Variants in TCOF1 observed in about 807,000 individuals in gnomAD.
TCOF1 encodes treacle ribosome biogenesis factor 1.
In TCOF1, 33 loss-of-function variants were observed where a neutral mutation model predicts 149.0. The observed-to-expected ratio is 0.22, with a 90% CI of 0.17 to 0.30. The LOEUF is 0.30. Among genes scored for constraint, TCOF1 ranks in the 10% least tolerant of loss-of-function variants. The pLI is 1.00. For synonymous variants in TCOF1, 789 were observed against 738.8 expected, an observed-to-expected ratio of 1.07 and a Z score of -1.10; for missense variants, 1,728 against 1,840.7, an observed-to-expected ratio of 0.94 and a Z score of 1.12.
rs140334121 is a variant in TCOF1, at chr5:150,376,276, T to G, written c.2088T>G (p.Ser696Arg). The change falls in exon 13 of 27, where the codon AGT becomes AGG. Residue 696 changes from serine to arginine, a missense_variant. This residue lies in a region of TCOF1 where 1,696 missense variants were observed against 1,765.4 expected (regional missense o/e 0.96). Transcript: ENST00000643257. ...GACCAGCAGAGGATTCTTCAAGCAG[T>G]GAGGAATCAGATAGTGAGGAAGAGA... ...TQRPAEDSSS[S>R]EESDSEEEKT... The G allele has an allele frequency of 2.6e-4, 420 of 1,613,988 alleles. 3 individuals carry two copies. In the African/African-American group the frequency reaches 5.1e-3, roughly 20 times the overall value.
intron 6 of TCOF1, 59 bp from the exon 7 acceptor site, chr5:150,371,947 G>A (rs1762620485): frequency 6.7e-7 from 1 of 1,498,684 alleles, no homozygotes; most frequent in Non-Finnish European, 9.2e-7. Context: ...CCCTAATACA[G>A]AACCTTAGGG....
intron 18 of TCOF1, 57 bp downstream of exon 18, chr5:150,388,145 G>T: frequency 6.2e-7 from 1 of 1,606,970 alleles, no homozygotes. Context: ...CCCACATTGA[G>T]GCCCAGAAGG....
At position 150,391,988 on chromosome 5, in the gene TCOF1, C is replaced by T; in HGVS notation, c.3329C>T (p.Thr1110Ile). 6.2e-7 allele frequency: 1 copy of T among 1,614,210 alleles called. No individual in the cohort carries two copies. Among genetic ancestry groups the T allele is most frequent in the Non-Finnish European group, 8.5e-7 (1 of 1,180,034 alleles). The change falls in exon 21 of 27, where the codon ACA (threonine) becomes ATA (isoleucine). Residue 1110 changes from threonine (T) to isoleucine (I), a missense_variant. Coordinates refer to ENST00000643257, the MANE Select transcript of TCOF1 (RefSeq NM_001371623.1). ...AGTGCTGTGGGAACACTCCCTGCAA[C>T]AAGTCCCCAGAGCACCTCCGTCCAG... ...VDSAVGTLPA[T>I]SPQSTSVQAK...
intron 1 of TCOF1, among the ~76,000 whole-genome samples, chr5:150,358,204 C>A (rs1378697447): frequency 6.6e-6 from 1 of 152,062 alleles, no homozygotes; most frequent in South Asian, 2.1e-4. Flanking sequence ...GCGCGGCCCC[C>A]CCTGGGGCAA....
chr5:150,392,082 G>A lies in TCOF1; in HGVS notation c.3423G>A (p.Glu1141=), dbSNP rs376912952. The A allele has an allele frequency of 1.9e-6, 3 of 1,614,106 alleles. No homozygotes were observed. In the African/African-American group the frequency reaches 4.0e-5, roughly 22 times the overall value. Residue 1141 remains glutamate, a synonymous_variant, in exon 21 of 27, where the codon GAG becomes GAA. Coordinates refer to ENST00000643257, the MANE Select transcript of TCOF1 (RefSeq NM_001371623.1). Reference sequence around the variant, plus strand: ...TCCAGCAGGCCACCAAAGCCCCTGAGAGCTCAGATGACAGTGAGGACAGCA... The same window carrying A: ...TCCAGCAGGCCACCAAAGCCCCTGAAAGCTCAGATGACAGTGAGGACAGCA... The part of the protein sequence containing the change: ...PEVQQATKAP[E]SSDDSEDSSD...
chr5:150,368,093 T>C, intron 4 of TCOF1, 176 bp downstream of exon 4: 1 of 644,470 alleles, frequency 1.6e-6, no homozygotes, highest in South Asian at 1.9e-5. Flanking sequence ...GGCCTCAGTT[T>C]ACTTTTCTAT....
At position 150,361,145 on chromosome 5, in the gene TCOF1, C is replaced by T. The variant is rs2150398634; in HGVS notation, c.109-11C>T. ...GGGATTAATTGTGGCTTTCTCTTTACCTCTCTGCAGAAGTGTTTCCTGGCT... is the reference window on the plus strand; with the variant it reads ...GGGATTAATTGTGGCTTTCTCTTTATCTCTCTGCAGAAGTGTTTCCTGGCT... On this transcript the variant is annotated splice_polypyrimidine_tract_variant and intron_variant, in intron 1 of 26. Transcript: ENST00000643257. 5 of 1,614,108 alleles carry T rather than the reference C, an allele frequency of 3.1e-6. No individual in the cohort carries two copies. The highest frequency in any genetic ancestry group is 4.2e-6 in the Non-Finnish European group (5 of 1,180,000).
chr5:150,370,257 A>G (rs1486996118), intron 6 of TCOF1, among the ~76,000 whole-genome samples: 1 of 152,224 alleles, frequency 6.6e-6, no homozygotes, highest in Non-Finnish European at 1.5e-5. Flanking sequence ...GTGGAAATGT[A>G]GAGGGCCACG....
chr5:150,361,293 G>T, intron 2 of TCOF1, 82 bp downstream of exon 2: 1 of 1,538,492 alleles, frequency 6.5e-7, no homozygotes, highest in Non-Finnish European at 9.0e-7. Context: ...TACCTATCTG[G>T]TCTAAGATCT....
intron 17 of TCOF1, among the ~76,000 whole-genome samples, chr5:150,381,825 G>A (rs530205500): frequency 1.9e-4 from 29 of 152,300 alleles, no homozygotes; most frequent in Admixed American, 4.6e-4. Context: ...TTAGCTGAGC[G>A]TCAGTGGTAA....
intron 3 of TCOF1, among the ~76,000 whole-genome samples, chr5:150,365,297 T>G (rs963480574): frequency 3.3e-5 from 5 of 150,844 alleles, no homozygotes; most frequent in Non-Finnish European, 7.4e-5. Flanking sequence ...TTTCACAATG[T>G]TAGCCAGACT....
intron 3 of TCOF1, chr5:150,364,876 A>G (rs1436493430): frequency 6.5e-6 from 1 of 152,822 alleles, no homozygotes; most frequent in African/African-American, 2.4e-5. Context: ...TAGAAGACAC[A>G]TTTCTTAATA....
At chr5:150,378,823 C>T (rs1764380560) in intron 14 of TCOF1, 82 bp from the exon 15 acceptor site, 1 of 1,605,672 alleles carries the variant, frequency 6.2e-7, no homozygotes, top group Non-Finnish European at 8.5e-7. Context: ...GACTCGGGCT[C>T]CAGCTCCAGA....
intron 2 of TCOF1, among the ~76,000 whole-genome samples, chr5:150,362,744 G>C (rs1760423309): frequency 6.6e-6 from 1 of 152,146 alleles, no homozygotes; most frequent in Non-Finnish European, 1.5e-5. Context: ...TTAGAGCACA[G>C]GGCACAGCCC....
At chr5:150,397,133 G>A (rs1318048265) in intron 24 of TCOF1, among the ~76,000 whole-genome samples, 2 of 137,912 alleles carry the variant, frequency 1.5e-5, no homozygotes, top group African/African-American at 5.4e-5. Context: ...ACTCCAGCCT[G>A]GGTGACAGAG....
chr5:150,363,216 TG>T (rs1238364909), intron 2 of TCOF1, among the ~76,000 whole-genome samples: 2 of 152,146 alleles, frequency 1.3e-5, no homozygotes, highest in Non-Finnish European at 2.9e-5. Context: ...ACATTTTTGT[TG>T]GGGGAAAAGA....
At chr5:150,367,191 G>C (rs1388185533) in intron 3 of TCOF1, among the ~76,000 whole-genome samples, 2 of 152,066 alleles carry the variant, frequency 1.3e-5, no homozygotes, top group African/African-American at 2.4e-5. Context: ...TGTAGTCCCA[G>C]CTACTCAGGA....
chr5:150,390,287 G>A (rs139950780), intron 19 of TCOF1, among the ~76,000 whole-genome samples: 38 of 152,340 alleles, frequency 2.5e-4, no homozygotes, highest in East Asian at 1.2e-3. Context: ...ATTTTCCAGC[G>A]TAGTGGGGCT....
Position 150,375,353 on chromosome 5 carries a change from G to T in TCOF1, c.1503G>T (p.Gly501=). The T allele has an allele frequency of 6.2e-7, 1 of 1,611,610 alleles. No individual in the cohort carries two copies. Among genetic ancestry groups the T allele is most frequent in the Non-Finnish European group, 8.5e-7 (1 of 1,179,406 alleles). ...GTGTCTCCCAGGTGAAGCCCTTGGG[G>T]AAAAGCCCCCAGGTGAAACCTGCCT... ...AMNAAQVKPL[G]KSPQVKPAST... is the part of the protein sequence containing the mutation. The change falls in exon 11 of 27, where the codon GGG becomes GGT. Residue 501 remains glycine, a synonymous_variant. Transcript: ENST00000643257.
Sources: allele counts gnomAD v4.1 joint callset (sites outside exome capture counted in the v4.1 genomes callset), GRCh38; gene constraint gnomAD v4.1.1; regional missense constraint gnomAD v4.1.1; transcripts MANE v1.5; gene names NCBI Gene and HGNC (gene_info 2026-07-23, HGNC 2026-07-21).